Variants in ZC3H12B observed in about 807,000 individuals in gnomAD.
ZC3H12B encodes probable ribonuclease ZC3H12B.
Under a neutral mutation model 43.9 loss-of-function variants are expected in ZC3H12B, and 7 were observed. The ratio of observed to expected loss-of-function variants is 0.16; its 90% CI spans 0.09 to 0.30. ZC3H12B has a LOEUF of 0.30. ZC3H12B is among the 10% of genes least tolerant of loss of function. The pLI, the probability that ZC3H12B is intolerant of heterozygous loss-of-function variation, is 1.00. For missense variants in ZC3H12B, 475 were observed against 670.2 expected, an observed-to-expected ratio of 0.71 and a Z score of 3.22; for synonymous variants, 222 against 241.7, an observed-to-expected ratio of 0.92 and a Z score of 0.76.
intron 3 of ZC3H12B, among the ~76,000 whole-genome samples, chrX:65,432,583 G>C (rs1484979593): frequency 9.0e-6 from 1 of 111,713 alleles, no homozygotes; most frequent in African/African-American, 3.3e-5. Flanking sequence ...AGAACTAGCA[G>C]GTTTTTGGGC....
At chrX:65,073,845 G>A in the ZC3H12B span, among the ~76,000 whole-genome samples, 1 of 111,620 alleles carries the variant, frequency 9.0e-6, no homozygotes, top group Non-Finnish European at 1.9e-5. Flanking sequence ...AAGTCCTGGT[G>A]CACTGTAGCC....
At chrX:65,175,297 G>A in the ZC3H12B span, among the ~76,000 whole-genome samples, 2 of 111,867 alleles carry the variant, frequency 1.8e-5, no homozygotes, top group African/African-American at 3.2e-5. Flanking sequence ...CTTTCTGGTA[G>A]CTGCAGAGCA....
the ZC3H12B span, among the ~76,000 whole-genome samples, chrX:65,199,810 A>G: frequency 2.8e-5 from 3 of 105,636 alleles, no homozygotes; most frequent in Admixed American, 3.1e-4. Context: ...GCAGTATACC[A>G]TGGTGTATAT....
At chrX:65,367,485 T>A (rs2066188775) in intron 1 of ZC3H12B, among the ~76,000 whole-genome samples, 1 of 111,874 alleles carries the variant, frequency 8.9e-6, no homozygotes, top group African/African-American at 3.2e-5. Context: ...ACCATTTTTT[T>A]GAAATTTGCT....
the ZC3H12B span, among the ~76,000 whole-genome samples, chrX:65,037,841 G>A: frequency 9.0e-6 from 1 of 110,746 alleles, no homozygotes; most frequent in Non-Finnish European, 1.9e-5. Flanking sequence ...TACTGCTATT[G>A]CTACCATTTT....
chrX:65,228,917 A>T, the ZC3H12B span, among the ~76,000 whole-genome samples: 1 of 112,156 alleles, frequency 8.9e-6, no homozygotes, highest in Non-Finnish European at 1.9e-5. Context: ...TTCCATGCTC[A>T]TGGGTGGGAA....
the ZC3H12B span, among the ~76,000 whole-genome samples, chrX:65,277,356 C>T: frequency 9.1e-4 from 102 of 111,573 alleles, no homozygotes; most frequent in African/African-American, 3.1e-3. Context: ...CTGTAACATA[C>T]ACCAAATGGA....
chrX:65,151,227 C>A, the ZC3H12B span, among the ~76,000 whole-genome samples: 13 of 111,752 alleles, frequency 1.2e-4, no homozygotes, highest in East Asian at 2.8e-4. Context: ...CCTACAAATA[C>A]AATCACAAAC....
intron 3 of ZC3H12B, among the ~76,000 whole-genome samples, chrX:65,431,072 T>C (rs1213876785): frequency 8.9e-6 from 1 of 112,324 alleles, no homozygotes; most frequent in Non-Finnish European, 1.9e-5. Context: ...GTAGGGAACA[T>C]GGTAAGACAT....
intron 2 of ZC3H12B, among the ~76,000 whole-genome samples, chrX:65,383,369 A>C (rs930107065): frequency 1.7e-4 from 19 of 112,127 alleles, no homozygotes; most frequent in African/African-American, 6.2e-4. Context: ...TCCCTATTTA[A>C]TAAATGGTGC....
At chrX:65,328,147 T>C in the ZC3H12B span, 1 of 223,166 alleles carries the variant, frequency 4.5e-6, no homozygotes, top group African/African-American at 2.9e-5. Flanking sequence ...CCAACATTGC[T>C]CCAATTTATA....
the ZC3H12B span, among the ~76,000 whole-genome samples, chrX:65,332,264 T>C: frequency 9.0e-6 from 1 of 110,830 alleles, no homozygotes; most frequent in African/African-American, 3.3e-5. Context: ...CCCTAATTAT[T>C]AAGGTCTCTC....
chrX:65,408,778 G>T, intron 3 of ZC3H12B: 4 of 460,135 alleles, frequency 8.7e-6, no homozygotes, highest in Middle Eastern at 5.6e-4. Context: ...TGAGATAAGA[G>T]GAACTGTCTC....
intron 2 of ZC3H12B, among the ~76,000 whole-genome samples, chrX:65,381,129 C>T (rs1027352898): frequency 5.4e-5 from 6 of 111,431 alleles, no homozygotes; most frequent in Non-Finnish European, 1.1e-4. Context: ...GAACTCTCCA[C>T]CCCAAATCAA....
chrX:65,074,887 T>A, the ZC3H12B span, among the ~76,000 whole-genome samples: 1 of 112,516 alleles, frequency 8.9e-6, no homozygotes, highest in Non-Finnish European at 1.9e-5. Flanking sequence ...TTGTTGAGCA[T>A]CCTTATGATG....
chrX:65,165,614 A>G, the ZC3H12B span, among the ~76,000 whole-genome samples: 2 of 112,565 alleles, frequency 1.8e-5, no homozygotes, highest in African/African-American at 6.5e-5. Flanking sequence ...CTCCCTACAA[A>G]TGACATGAAC....
chrX:65,360,119 CATA>C, the ZC3H12B span, among the ~76,000 whole-genome samples: 6 of 112,107 alleles, frequency 5.4e-5, no homozygotes, highest in East Asian at 1.7e-3. Context: ...ATTTTTTAGA[CATA>C]ATGCTATTGC....
chrX:65,102,691 ACTT>A, the ZC3H12B span, among the ~76,000 whole-genome samples: 1 of 112,009 alleles, frequency 8.9e-6, no homozygotes. Flanking sequence ...CACGTGAAGG[ACTT>A]CTTCAAGGAG....
At chrX:65,465,597 T>C (rs2067807165) in intron 3 of ZC3H12B, among the ~76,000 whole-genome samples, 1 of 111,015 alleles carries the variant, frequency 9.0e-6, no homozygotes, top group Non-Finnish European at 1.9e-5. Flanking sequence ...TTCATTTACA[T>C]TGAAGGTAAT....
Sources: gnomAD v4.1 joint callset for allele counts (sites outside exome capture counted in the v4.1 genomes callset) on GRCh38, gnomAD v4.1.1 for gene constraint, MANE v1.5 for transcripts, NCBI Gene and HGNC (gene_info 2026-07-23, HGNC 2026-07-21) for gene names.